ATXN1: variants seen among roughly 807,000 people sequenced by gnomAD.
ATXN1 encodes ataxin 1, also known as ataxin-1.
In ATXN1, 8 loss-of-function variants were observed where a neutral mutation model predicts 56.4. The observed-to-expected ratio is 0.14, with a 90% CI of 0.08 to 0.26. The LOEUF (loss-of-function observed/expected upper bound fraction) is 0.26, where lower values mean the gene tolerates loss of function less well. Among genes scored for constraint, ATXN1 ranks in the 10% least tolerant of loss-of-function variants. ATXN1 has a pLI of 1.00. For missense variants in ATXN1, 987 were observed against 1,106.5 expected (o/e 0.89, Z 1.53); for synonymous variants, 514 against 494.6 (o/e 1.04, Z -0.52).
chr6:16,361,579 A>C (rs1206145437), intron 6 of ATXN1, among the ~76,000 whole-genome samples: 1 of 152,212 alleles, frequency 6.6e-6, no homozygotes, highest in Non-Finnish European at 1.5e-5. Context: ...TGCATAAACA[A>C]ATCAAAGGAC....
chr6:16,567,988 C>A (rs1177324935), intron 4 of ATXN1, among the ~76,000 whole-genome samples: 1 of 152,108 alleles, frequency 6.6e-6, no homozygotes, highest in Non-Finnish European at 1.5e-5. Context: ...AACACACACA[C>A]AAAAGAGAAT....
At chr6:16,672,967 T>A (rs1652662895) in intron 2 of ATXN1, among the ~76,000 whole-genome samples, 1 of 144,892 alleles carries the variant, frequency 6.9e-6, no homozygotes, top group African/African-American at 2.6e-5. Flanking sequence ...TGAGCCAATA[T>A]GTGCCACTGC....
At chr6:16,307,285 A>G (rs774915807) in intron 7 of ATXN1, among the ~76,000 whole-genome samples, 2 of 152,218 alleles carry the variant, frequency 1.3e-5, no homozygotes, top group African/African-American at 2.4e-5. Flanking sequence ...CTATTATCAT[A>G]CAGGACAGGA....
chr6:16,745,068 G>A (rs986308892), intron 2 of ATXN1, among the ~76,000 whole-genome samples: 3 of 152,190 alleles, frequency 2.0e-5, no homozygotes, highest in African/African-American at 7.2e-5. Context: ...CCATCTCTGA[G>A]AGGGATCAAA....
chr6:16,464,859 G>A (rs186360390), intron 6 of ATXN1, among the ~76,000 whole-genome samples: 4 of 152,108 alleles, frequency 2.6e-5, no homozygotes. Flanking sequence ...ATGTACAACA[G>A]GAAGAATGAA....
intron 6 of ATXN1, among the ~76,000 whole-genome samples, chr6:16,352,340 G>C (rs1416008403): frequency 2.0e-5 from 3 of 152,174 alleles, no homozygotes; most frequent in Non-Finnish European, 2.9e-5. Flanking sequence ...GACCAGCCAG[G>C]GAGTCTAATG....
intron 2 of ATXN1, among the ~76,000 whole-genome samples, chr6:16,674,343 T>TC (rs913818936): frequency 2.2e-5 from 3 of 136,842 alleles, no homozygotes; most frequent in African/African-American, 5.7e-5. Flanking sequence ...TTTCTTTTTT[T>TC]TTTTTTTTTT....
intron 2 of ATXN1, among the ~76,000 whole-genome samples, chr6:16,742,622 A>G (rs1329338977): frequency 6.6e-6 from 1 of 152,016 alleles, no homozygotes; most frequent in Non-Finnish European, 1.5e-5. Flanking sequence ...ATCAACCACA[A>G]ATGCACTCCC....
intron 5 of ATXN1, among the ~76,000 whole-genome samples, chr6:16,495,821 C>CCA (rs1190379390): frequency 6.6e-6 from 1 of 151,728 alleles, no homozygotes; most frequent in Non-Finnish European, 1.5e-5. Context: ...CGAGATCATG[C>CCA]CACTGCACTC....
chr6:16,739,181 A>AC (rs1040623184), intron 2 of ATXN1: 1 of 146,904 alleles, frequency 6.8e-6, no homozygotes, highest in Non-Finnish European at 1.5e-5. Context: ...AAAAAAAAAA[A>AC]AAAAAAAACC....
At position 16,753,215 on chromosome 6, in the gene ATXN1, G is replaced by A. The variant is rs370974927; in HGVS notation, c.-615+18C>T. 4.4e-5 allele frequency: 20 copies of A among 456,370 alleles called. No individual in the cohort carries two copies. Among genetic ancestry groups the A allele is most frequent in the African/African-American group, 2.4e-4 (12 of 50,064 alleles). The allele number at this position is 456,370 out of a possible 1,614,324, so 28.3% of individuals were successfully genotyped here. A position where few individuals can be genotyped will look rare whatever the true frequency, so the allele number is the denominator to read the frequency against. On this transcript the variant is annotated intron_variant, in intron 2 of 7. Coordinates refer to ENST00000436367, the MANE Select transcript of ATXN1 (RefSeq NM_001128164.2). Reference sequence around the variant, plus strand: ...TTTATCCTCAGATGGAAAACAGAGAGCATCGCAAAACTCTCACCTGACATG... The same window carrying A: ...TTTATCCTCAGATGGAAAACAGAGAACATCGCAAAACTCTCACCTGACATG...
intron 6 of ATXN1, among the ~76,000 whole-genome samples, chr6:16,483,875 C>T (rs1451823980): frequency 1.3e-5 from 2 of 152,288 alleles, no homozygotes; most frequent in East Asian, 3.9e-4. Flanking sequence ...AGCAGTTTTA[C>T]ATAAGACACT....
At chr6:16,598,744 G>A (rs989415625) in intron 3 of ATXN1, among the ~76,000 whole-genome samples, 7 of 152,212 alleles carry the variant, frequency 4.6e-5, no homozygotes, top group African/African-American at 1.7e-4. Flanking sequence ...AAGGACACCT[G>A]GGCCCCATGA....
rs60830508 is a variant in ATXN1 at position 16,301,085 on chromosome 6, C to CTT, written c.*5242_*5243dup. 6.3e-3 allele frequency: 929 copies of CTT among 146,514 alleles called. 9 individuals are homozygous for CTT. The highest frequency in any genetic ancestry group is 0.016 in the African/African-American group (631 of 40,204). 9.1% of individuals were successfully genotyped at this position (146,514 alleles called of 1,614,324 possible). A position where few individuals can be genotyped will look rare whatever the true frequency, so the allele number is the denominator to read the frequency against. Reference sequence around the variant, plus strand: ...ACATGTAACTTTCAACCCTTCTCTGCTTTTTTTTTTTTACAAACAAAGTAT... The same window carrying CTT: ...ACATGTAACTTTCAACCCTTCTCTGCTTTTTTTTTTTTTTACAAACAAAGTAT... On this transcript the variant is annotated 3_prime_UTR_variant, in exon 8 of 8. Coordinates refer to ENST00000436367, the MANE Select transcript of ATXN1 (RefSeq NM_001128164.2).
chr6:16,446,495 A>G (rs1242921213), intron 6 of ATXN1, among the ~76,000 whole-genome samples: 1 of 152,228 alleles, frequency 6.6e-6, no homozygotes, highest in Non-Finnish European at 1.5e-5. Context: ...CAAAATTGAA[A>G]GCTGCCCAAC....
At chr6:16,562,417 T>G (rs1417812150) in intron 4 of ATXN1, among the ~76,000 whole-genome samples, 124 of 70,344 alleles carry the variant, frequency 1.8e-3, no homozygotes, top group South Asian at 2.6e-3. Flanking sequence ...AGAAGGGGAA[T>G]GGGGAAGGGG....
At chr6:16,608,677 A>C (rs1763053530) in intron 3 of ATXN1, among the ~76,000 whole-genome samples, 1 of 152,178 alleles carries the variant, frequency 6.6e-6, no homozygotes, top group South Asian at 2.1e-4. Context: ...AGGCAAAGTG[A>C]CTGGCTGCTA....
At chr6:16,459,867 G>C (rs750218843) in intron 6 of ATXN1, among the ~76,000 whole-genome samples, 2 of 152,158 alleles carry the variant, frequency 1.3e-5, no homozygotes, top group Non-Finnish European at 2.9e-5. Flanking sequence ...GGCTACTCTA[G>C]ATCTCTTGAA....
Position 16,663,646 on chromosome 6 carries a change from T to TTTTA in ATXN1, c.-614-5749_-614-5746dup, listed in dbSNP as rs34453220. Among the ~76,000 whole-genome samples, 339 of 150,562 alleles carry TTTTA rather than the reference T, an allele frequency of 2.3e-3. 3 individuals carry two copies. The highest frequency in any genetic ancestry group is 8.9e-3 in the South Asian group (42 of 4,740). ...GCAGCCAGGAGCATGTTTTTTAATTTTTTATTTATTTATTTATTTATTTAT... is the reference window on the plus strand; with the variant it reads ...GCAGCCAGGAGCATGTTTTTTAATTTTTTATTTATTTATTTATTTATTTATTTAT... On this transcript the variant is annotated intron_variant, in intron 2 of 7. Transcript: ENST00000436367.
Sources: allele counts gnomAD v4.1 joint callset (sites outside exome capture counted in the v4.1 genomes callset), GRCh38; gene constraint gnomAD v4.1.1; transcripts MANE v1.5; gene names NCBI Gene and HGNC (gene_info 2026-07-23, HGNC 2026-07-21).